PCDHGA11: variants seen among roughly 807,000 people sequenced by gnomAD.
PCDHGA11 encodes protocadherin gamma-A11.
PCDHGA11 carries 39 observed loss-of-function variants against 60.4 expected under a neutral mutation model. The ratio of observed to expected loss-of-function variants is 0.65; its 90% CI spans 0.50 to 0.84. The LOEUF (loss-of-function observed/expected upper bound fraction) is 0.84. Among genes scored for constraint, PCDHGA11 ranks in the 40% least tolerant of loss-of-function variants. The pLI, the probability that PCDHGA11 is intolerant of heterozygous loss-of-function variation, is 0.00. For missense variants in PCDHGA11, 1,165 were observed against 1,197.7 expected (o/e 0.97, Z 0.40); for synonymous variants, 533 against 510.3 (o/e 1.04, Z -0.60).
Position 141,421,788 on chromosome 5 carries a change from G to T in PCDHGA11, c.561G>T (p.Thr187=). 6.2e-7 allele frequency: 1 copy of T among 1,613,800 alleles called. No individual in the cohort carries two copies. Among genetic ancestry groups the T allele is most frequent in the Non-Finnish European group, 8.5e-7 (1 of 1,179,860 alleles). Reference sequence around the variant, plus strand: ...TTTCCTTGCAACTGCGGGGCAGAACGGATGGGGCCAAGAATCCAGAGCTAG... The same window carrying T: ...TTTCCTTGCAACTGCGGGGCAGAACTGATGGGGCCAAGAATCCAGAGCTAG... ...NYFSLQLRGR[T]DGAKNPELVL... The change falls in exon 1 of 4, where the codon ACG becomes ACT. Residue 187 remains threonine, a synonymous_variant. Coordinates refer to ENST00000398587, the MANE Select transcript of PCDHGA11 (RefSeq NM_018914.3).
chr5:141,505,413 C>T lies in PCDHGA11; in HGVS notation c.2513C>T (p.Thr838Ile), dbSNP rs1240988786. ...CCCAGCTCCCAAAATGGCGATGACA[C>T]CGGCACCTGGCCCAACAACCAGTTT... is the stretch of plus-strand genomic sequence containing the variant. ...GTSGSQNGDD[T>I]GTWPNNQFDT... Residue 838 changes from threonine to isoleucine, a missense_variant, in exon 3 of 4, where the codon ACC becomes ATC. By Grantham distance (89) the Thr-to-Ile change is moderately conservative. Coordinates refer to ENST00000398587, the MANE Select transcript of PCDHGA11 (RefSeq NM_018914.3). 10 of 1,614,202 alleles carry T rather than the reference C, an allele frequency of 6.2e-6. No homozygotes were observed. Among genetic ancestry groups the T allele is most frequent in the Non-Finnish European group, 7.6e-6 (9 of 1,180,046 alleles).
rs767321755 is a variant in PCDHGA11, at chr5:141,423,483, A to G, written c.2256A>G (p.Gln752=). ...VGVDGVQAFL[Q]TYSHEVSLIA... ...TGGACGGGGTACAGGCTTTCCTGCA[A>G]ACCTATTCCCACGAGGTCTCTCTCA... The change falls in exon 1 of 4, where the codon CAA becomes CAG. Residue 752 remains glutamine (Q), a synonymous_variant. Transcript: ENST00000398587. 1.9e-6 allele frequency: 3 copies of G among 1,613,974 alleles called. No homozygotes were observed. The highest frequency in any genetic ancestry group is 3.3e-4 in the Middle Eastern group (2 of 6,062).
At position 141,491,660 on chromosome 5, in the gene PCDHGA11, C is replaced by G; in HGVS notation, c.2434-3147C>G. 6.2e-7 allele frequency: 1 copy of G among 1,613,810 alleles called. No individual in the cohort carries two copies. ...ACAGCTCTGGCGCTGGAGCCTGACG[C>G]CATCCGGTCCCGCTCTAATACGCTG... is the stretch of plus-strand genomic sequence containing the variant. On this transcript the variant is annotated intron_variant, in intron 1 of 3. Transcript: ENST00000398587. The surrounding 1 kb of genome is among the most constrained non-coding windows in gnomAD (Gnocchi z 6.9).
intron 1 of PCDHGA11, among the ~76,000 whole-genome samples, chr5:141,480,187 T>TGAGGCCAGCAGTTC (rs2099513839): frequency 6.6e-6 from 1 of 151,380 alleles, no homozygotes; most frequent in Admixed American, 6.6e-5. Context: ...GCGGATTGCT[T>TGAGGCCAGCAGTTC]GAGGCCAGCA....
intron 1 of PCDHGA11, among the ~76,000 whole-genome samples, chr5:141,478,999 A>C (rs1220971456): frequency 2.0e-5 from 3 of 152,194 alleles, no homozygotes. Context: ...ATTAAAACTA[A>C]TAGCTTTTTG....
At position 141,422,370 on chromosome 5, in the gene PCDHGA11, T is replaced by G. The variant is rs2096643676; in HGVS notation, c.1143T>G (p.Gly381=). The change falls in exon 1 of 4, where the codon GGT becomes GGG. Residue 381 remains glycine (G), a synonymous_variant. Transcript: ENST00000398587. The part of the protein sequence containing the change: ...NVQDQDSGEN[G]QVSCFIPNHL... ...AAGATCAAGATTCTGGAGAAAATGG[T>G]CAAGTCTCCTGTTTTATTCCTAACC... is the stretch of plus-strand genomic sequence containing the variant. 6.4e-7 allele frequency: 1 copy of G among 1,566,604 alleles called. No individual in the cohort carries two copies. Among genetic ancestry groups the G allele is most frequent in the African/African-American group, 1.4e-5 (1 of 72,762 alleles).
At position 141,423,431 on chromosome 5, in the gene PCDHGA11, G is replaced by A. The variant is rs1220133197; in HGVS notation, c.2204G>A (p.Gly735Asp). Residue 735 changes from glycine to aspartate, a missense_variant, in exon 1 of 4, where the codon GGT (glycine) becomes GAT (aspartate). Coordinates refer to ENST00000398587, the MANE Select transcript of PCDHGA11 (RefSeq NM_018914.3). ...CAGGCTTCTGAAGGCGGGTTGGCAGGTATGCCCACGTCACATTTTGTAGGC... is the reference window on the plus strand; with the variant it reads ...CAGGCTTCTGAAGGCGGGTTGGCAGATATGCCCACGTCACATTTTGTAGGC... ...LLQASEGGLA[G>D]MPTSHFVGVD... is the part of the protein sequence containing the mutation. 3 of 1,613,892 alleles carry A rather than the reference G, an allele frequency of 1.9e-6. No homozygotes were observed. Among genetic ancestry groups the A allele is most frequent in the Admixed American group, 3.3e-5 (2 of 60,012 alleles).
In PCDHGA11 at chr5:141,489,071, CA is replaced by C; in HGVS notation, c.2434-5735del. 3.1e-6 allele frequency: 1 copy of C among 326,700 alleles called. No homozygotes were observed. Among genetic ancestry groups the C allele is most frequent in the East Asian group, 5.9e-5 (1 of 17,012 alleles). 20.2% of individuals were successfully genotyped at this position (326,700 alleles called of 1,614,324 possible). A position where few individuals can be genotyped will look rare whatever the true frequency, so the allele number is the denominator to read the frequency against. On this transcript the variant is annotated intron_variant, in intron 1 of 3. Transcript: ENST00000398587. This position sits in a 1 kb window ranked among gnomAD's most constrained non-coding sequence, Gnocchi z 4.5. Reference sequence around the variant, plus strand: ...AAATTCAGCTCCCCTCCCCCCTGCCCACCCCCGCCACTCGGTGACTAAGAAC... The same window carrying C: ...AAATTCAGCTCCCCTCCCCCCTGCCCCCCCCGCCACTCGGTGACTAAGAAC...
Position 141,422,768 on chromosome 5 carries a change from T to C in PCDHGA11, c.1541T>C (p.Val514Ala). Residue 514 changes from valine to alanine, a missense_variant, in exon 1 of 4, where the codon GTT becomes GCT. Transcript: ENST00000398587. ...GTCTCTATTAACTCCAACACTGGTGTTCTCTATGCCCTACAATCCTTCGAC... is the reference window on the plus strand; with the variant it reads ...GTCTCTATTAACTCCAACACTGGTGCTCTCTATGCCCTACAATCCTTCGAC... Reference protein sequence around the residue: ...SYVSINSNTGVLYALQSFDYE... With the variant: ...SYVSINSNTGALYALQSFDYE... 6.2e-7 allele frequency: 1 copy of C among 1,613,824 alleles called. No individual in the cohort carries two copies.
At chr5:141,427,840 A>C (rs779622800) in intron 1 of PCDHGA11, 8 of 1,548,180 alleles carry the variant, frequency 5.2e-6, no homozygotes, top group Admixed American at 3.3e-5. Flanking sequence ...CGTGCCTTCG[A>C]CCACGAGCAG....
At position 141,487,382 on chromosome 5, in the gene PCDHGA11, T is replaced by A. The variant is rs755316738; in HGVS notation, c.2434-7425T>A. 6.2e-7 allele frequency: 1 copy of A among 1,614,172 alleles called. No individual in the cohort carries two copies. The highest frequency in any genetic ancestry group is 2.2e-5 in the East Asian group (1 of 44,854). On this transcript the variant is annotated intron_variant, in intron 1 of 3. Transcript: ENST00000398587. The surrounding 1 kb of genome is among the most constrained non-coding windows in gnomAD (Gnocchi z 5.0). ...TGGCACCTGTGCCTGTCTCACCAGA[T>A]CTCGAAGGAGGGAGGGGCTTCCCCC...
At chr5:141,447,642 T>G (rs1275164919) in intron 1 of PCDHGA11, among the ~76,000 whole-genome samples, 2 of 152,166 alleles carry the variant, frequency 1.3e-5, no homozygotes, top group Non-Finnish European at 2.9e-5. Flanking sequence ...TGAATGATGG[T>G]AGAATTTTCC....
intron 2 of PCDHGA11, among the ~76,000 whole-genome samples, chr5:141,498,971 G>GGAA (rs2099787559): frequency 9.0e-6 from 1 of 110,972 alleles, no homozygotes; most frequent in African/African-American, 3.6e-5. Flanking sequence ...GAGGGAGGGA[G>GGAA]GGAAGGAAGG....
In PCDHGA11 at chr5:141,432,085, G is replaced by A. The variant is rs144065251; in HGVS notation, c.2433+8425G>A. 2.2e-4 allele frequency: 353 copies of A among 1,614,164 alleles called. 1 individual carries two copies. The African/African-American group carries it at 4.2e-3, about 19-fold the overall frequency. ...CGGAAACTCATATCTCGCTGAACGT[G>A]GCAGACACCAACGACAACCCGCCGG... On this transcript the variant is annotated intron_variant, in intron 1 of 3. Transcript: ENST00000398587. This position sits in a 1 kb window ranked among gnomAD's most constrained non-coding sequence, Gnocchi z 6.0.
At position 141,491,969 on chromosome 5, in the gene PCDHGA11, C is replaced by A; in HGVS notation, c.2434-2838C>A. ...CCCCTACACTCAAAAAAGGCCGGGGCCTCCTTCGAGCTTCCGGTGAATTTC... is the reference window on the plus strand; with the variant it reads ...CCCCTACACTCAAAAAAGGCCGGGGACTCCTTCGAGCTTCCGGTGAATTTC... On this transcript the variant is annotated intron_variant, in intron 1 of 3. Coordinates refer to ENST00000398587, the MANE Select transcript of PCDHGA11 (RefSeq NM_018914.3). The surrounding 1 kb of genome is among the most constrained non-coding windows in gnomAD (Gnocchi z 6.9). 1 of 898,714 alleles carries A rather than the reference C, an allele frequency of 1.1e-6. No individual in the cohort carries two copies. Among genetic ancestry groups the A allele is most frequent in the Non-Finnish European group, 1.6e-6 (1 of 629,384 alleles). 55.7% of individuals were successfully genotyped at this position (898,714 alleles called of 1,614,324 possible). A position where few individuals can be genotyped will look rare whatever the true frequency, so the allele number is the denominator to read the frequency against.
At position 141,486,679 on chromosome 5, in the gene PCDHGA11, A is replaced by G. The variant is rs1416879364; in HGVS notation, c.2434-8128A>G. The G allele has an allele frequency of 6.2e-7, 1 of 1,614,092 alleles. No individual in the cohort carries two copies. The highest frequency in any genetic ancestry group is 1.7e-5 in the Admixed American group (1 of 60,026). On this transcript the variant is annotated intron_variant, in intron 1 of 3. Coordinates refer to ENST00000398587, the MANE Select transcript of PCDHGA11 (RefSeq NM_018914.3). The surrounding 1 kb of genome is among the most constrained non-coding windows in gnomAD (Gnocchi z 5.0). Reference sequence around the variant, plus strand: ...TCCTGGAGCCCAGGAATCGAGATGTATCAGCTTCCTCTTTCATCTCTCTGA... The same window carrying G: ...TCCTGGAGCCCAGGAATCGAGATGTGTCAGCTTCCTCTTTCATCTCTCTGA...
At position 141,491,084 on chromosome 5, in the gene PCDHGA11, C is replaced by T; in HGVS notation, c.2434-3723C>T. On this transcript the variant is annotated intron_variant, in intron 1 of 3. Transcript: ENST00000398587. This position sits in a 1 kb window ranked among gnomAD's most constrained non-coding sequence, Gnocchi z 6.9. ...TACTCACTGTTGCCACAGTCCACAGCCCCAGGACTGTTCCTCGTGTCTACA... is the reference window on the plus strand; with the variant it reads ...TACTCACTGTTGCCACAGTCCACAGTCCCAGGACTGTTCCTCGTGTCTACA... The T allele has an allele frequency of 6.2e-7, 1 of 1,614,106 alleles. No homozygotes were observed. The highest frequency in any genetic ancestry group is 1.1e-5 in the South Asian group (1 of 91,082).
Position 141,431,518 on chromosome 5 carries a change from G to T in PCDHGA11, c.2433+7858G>T. 6.2e-7 allele frequency: 1 copy of T among 1,614,090 alleles called. No individual in the cohort carries two copies. Among genetic ancestry groups the T allele is most frequent in the Non-Finnish European group, 8.5e-7 (1 of 1,180,038 alleles). ...CCGAGTACCGCGCGAGCGTTCCGGA[G>T]AATCTGGCCTTGGGCACGCAGCTGC... On this transcript the variant is annotated intron_variant, in intron 1 of 3. Coordinates refer to ENST00000398587, the MANE Select transcript of PCDHGA11 (RefSeq NM_018914.3). The surrounding 1 kb of genome is among the most constrained non-coding windows in gnomAD (Gnocchi z 4.8).
At chr5:141,478,717 C>T (rs1381812771) in intron 1 of PCDHGA11, 1 of 1,545,032 alleles carries the variant, frequency 6.5e-7, no homozygotes, top group South Asian at 1.2e-5. Context: ...GAGATGGTGG[C>T]CTGCCAGAGT....
Sources: gnomAD v4.1 joint callset for allele counts (sites outside exome capture counted in the v4.1 genomes callset) on GRCh38, gnomAD v4.1.1 for gene constraint, Gnocchi (gnomAD v3.1) non-coding constraint, MANE v1.5 for transcripts, NCBI Gene and HGNC (gene_info 2026-07-23, HGNC 2026-07-21) for gene names.